Variants in MOB1B observed in about 807,000 individuals in gnomAD.
MOB1B encodes MOB1 Mps One Binder homolog B.
Under a neutral mutation model 24.4 loss-of-function variants are expected in MOB1B, and 19 were observed. The ratio of observed to expected loss-of-function variants is 0.78; its 90% CI spans 0.54 to 1.14. The LOEUF (loss-of-function observed/expected upper bound fraction) is 1.14. Among genes scored for constraint, MOB1B ranks in the 50% most tolerant of loss-of-function variants. The pLI is 0.00. For missense variants in MOB1B, 243 were observed against 259.6 expected, an observed-to-expected ratio of 0.94 and a Z score of 0.44; for synonymous variants, 76 against 82.1, an observed-to-expected ratio of 0.93 and a Z score of 0.40.
rs1302486325 is a variant in MOB1B, at chr4:70,979,306, G to T, written c.573+15G>T. The T allele has an allele frequency of 6.2e-7, 1 of 1,603,922 alleles. No individual in the cohort carries two copies. The highest frequency in any genetic ancestry group is 8.5e-7 in the Non-Finnish European group (1 of 1,173,470). ...TTTTTGTCCAGGTAAGTTGGATTAG[G>T]AGGCCTTTGGTGCTCAGGGTAAGCA... On this transcript the variant is annotated intron_variant, in intron 5 of 5. Transcript: ENST00000309395.
chr4:70,906,275 G>A (rs1335509510), intron 1 of MOB1B, among the ~76,000 whole-genome samples: 1 of 152,118 alleles, frequency 6.6e-6, no homozygotes, highest in Non-Finnish European at 1.5e-5. Flanking sequence ...TTACATGGGA[G>A]ACTGAGTAGG....
chr4:70,927,350 C>G (rs1291672277), intron 1 of MOB1B, among the ~76,000 whole-genome samples: 1 of 151,976 alleles, frequency 6.6e-6, no homozygotes, highest in Admixed American at 6.6e-5. Context: ...ACCAGCCTGG[C>G]CAACATGATG....
At chr4:70,930,716 A>G (rs938093510) in intron 1 of MOB1B, among the ~76,000 whole-genome samples, 55 of 152,220 alleles carry the variant, frequency 3.6e-4, no homozygotes, top group African/African-American at 1.3e-3. Context: ...CTGTGCTTGC[A>G]TTTCACTTAT....
At chr4:70,969,787 A>G (rs907979237) in intron 2 of MOB1B, 144 bp from the exon 3 acceptor site, 7 of 463,492 alleles carry the variant, frequency 1.5e-5, no homozygotes, top group Non-Finnish European at 2.7e-5. Flanking sequence ...CCTCATTTCA[A>G]TGTATTGATA....
At chr4:70,949,722 TA>T (rs1424297996) in intron 1 of MOB1B, among the ~76,000 whole-genome samples, 28 of 152,140 alleles carry the variant, frequency 1.8e-4, no homozygotes, top group Middle Eastern at 3.4e-3. Flanking sequence ...ACTTCCTCTC[TA>T]TAAAAAAATA....
At position 70,969,912 on chromosome 4, in the gene MOB1B, AC is replaced by A; in HGVS notation, c.182-18del. The stretch of plus-strand genomic sequence containing the variant: ...ATTTAGCCATTCTGTTTTACTTACA[AC>A]TGATACTTGCTTTACAGCTGTGGAT... On this transcript the variant is annotated intron_variant, in intron 2 of 5. Coordinates refer to ENST00000309395, the MANE Select transcript of MOB1B (RefSeq NM_173468.4). 7.0e-7 allele frequency: 1 copy of A among 1,436,908 alleles called. No homozygotes were observed. The highest frequency in any genetic ancestry group is 9.7e-7 in the Non-Finnish European group (1 of 1,028,654). 89.0% of individuals were successfully genotyped at this position (1,436,908 alleles called of 1,614,324 possible).
Position 70,985,678 on chromosome 4 carries a change from C to T in MOB1B, c.*3621C>T, listed in dbSNP as rs1412721798. 6.6e-6 allele frequency: 1 copy of T among 152,134 alleles called. No individual in the cohort carries two copies. Among genetic ancestry groups the T allele is most frequent in the African/African-American group, 2.4e-5 (1 of 41,402 alleles). 9.4% of individuals were successfully genotyped at this position (152,134 alleles called of 1,614,324 possible). A position where few individuals can be genotyped will look rare whatever the true frequency, so the allele number is the denominator to read the frequency against. On this transcript the variant is annotated 3_prime_UTR_variant, in exon 6 of 6. Coordinates refer to ENST00000309395, the MANE Select transcript of MOB1B (RefSeq NM_173468.4). ...AGCTGGGATTACAGGCAGCACCACA[C>T]CTGGCTAATTTTCATATTTTTAGTA...
rs918618371 is a variant in MOB1B, at chr4:70,976,625, T to G, written c.409+1339T>G. 3.1e-6 allele frequency: 3 copies of G among 982,936 alleles called. No individual in the cohort carries two copies. In the African/African-American group the frequency reaches 5.3e-5, roughly 17 times the overall value. 60.9% of individuals were successfully genotyped at this position (982,936 alleles called of 1,614,324 possible). On this transcript the variant is annotated intron_variant, in intron 4 of 5. Coordinates refer to ENST00000309395, the MANE Select transcript of MOB1B (RefSeq NM_173468.4). The stretch of plus-strand genomic sequence containing the variant: ...TAGAACTTTTTGACATTTTACGATT[T>G]TTTTTGAAAAAAAAATGTGACAACA...
At chr4:70,979,497 A>G (rs1739119620) in intron 5 of MOB1B, among the ~76,000 whole-genome samples, 1 of 152,156 alleles carries the variant, frequency 6.6e-6, no homozygotes, top group African/African-American at 2.4e-5. Context: ...CAAGTCTAAA[A>G]TGGATTTGAA....
At chr4:70,907,508 T>G (rs1735796018) in intron 1 of MOB1B, among the ~76,000 whole-genome samples, 1 of 152,138 alleles carries the variant, frequency 6.6e-6, no homozygotes, top group African/African-American at 2.4e-5. Flanking sequence ...TTAAAACAAG[T>G]ACATTTAATT....
intron 1 of MOB1B, among the ~76,000 whole-genome samples, chr4:70,950,366 G>C (rs901647407): frequency 4.6e-5 from 7 of 150,592 alleles, no homozygotes; most frequent in African/African-American, 1.5e-4. Context: ...AACCCAGGAG[G>C]CGGATGAGCC....
chr4:70,962,265 G>C (rs1253845942), intron 2 of MOB1B, among the ~76,000 whole-genome samples: 1 of 152,112 alleles, frequency 6.6e-6, no homozygotes, highest in Non-Finnish European at 1.5e-5. Flanking sequence ...CTCTCCCCAG[G>C]CTTCACGAAT....
In MOB1B at chr4:70,916,872, C is replaced by T. The variant is rs186948802; in HGVS notation, c.14+14322C>T. On this transcript the variant is annotated intron_variant, in intron 1 of 5. Transcript: ENST00000309395. ...GCATGAGCCACTGCGCCTGGCCTAC[C>T]ACTGAATTTCTATAATCTTCATTGG... is the stretch of plus-strand genomic sequence containing the variant. Among the ~76,000 whole-genome samples, 3 of 152,280 alleles carry T rather than the reference C, an allele frequency of 2.0e-5. No individual in the cohort carries two copies. The East Asian group carries it at 5.8e-4, about 29-fold the overall frequency.
At chr4:70,908,279 C>T (rs920755095) in intron 1 of MOB1B, among the ~76,000 whole-genome samples, 1 of 149,470 alleles carries the variant, frequency 6.7e-6, no homozygotes, top group Non-Finnish European at 1.5e-5. Context: ...CCGCCTGCCT[C>T]GGCCTCCCAA....
At chr4:70,977,916 C>CG (rs1739064949) in intron 4 of MOB1B, among the ~76,000 whole-genome samples, 1 of 152,212 alleles carries the variant, frequency 6.6e-6, no homozygotes, top group South Asian at 2.1e-4. Context: ...TCTTGAACTC[C>CG]TGGCTCAAGT....
Position 70,933,596 on chromosome 4 carries a change from G to GGCT in MOB1B, c.15-25276_15-25274dup, listed in dbSNP as rs1736968821. On this transcript the variant is annotated intron_variant, in intron 1 of 5. Transcript: ENST00000309395. ...AGACAGAGTCTTGCTCTGTCAACCA[G>GGCT]GCTGGAGTGCAATGGTGTGATCTCG... is the stretch of plus-strand genomic sequence containing the variant. Among the ~76,000 whole-genome samples the GGCT allele has an allele frequency of 2.4e-5, 3 of 127,244 alleles. No homozygotes were observed. The Admixed American group carries it at 3.0e-4, about 13-fold the overall frequency. 83.5% of individuals were successfully genotyped at this position (127,244 alleles called of 152,430 possible). A position where few individuals can be genotyped will look rare whatever the true frequency, so the allele number is the denominator to read the frequency against.
rs192365281 is a variant in MOB1B at position 70,921,707 on chromosome 4, C to T, written c.14+19157C>T. Among the ~76,000 whole-genome samples the T allele has an allele frequency of 6.9e-3, 1,053 of 152,146 alleles. 11 individuals carry two copies. Among genetic ancestry groups the T allele is most frequent in the South Asian group, 0.015 (70 of 4,816 alleles). ...TATTTTTAGTAGAGATGGGGTTTCA[C>T]CGTGTTGGCCAGGTTGATCTCGAAC... On this transcript the variant is annotated intron_variant, in intron 1 of 5. Coordinates refer to ENST00000309395, the MANE Select transcript of MOB1B (RefSeq NM_173468.4).
chr4:70,924,556 A>T (rs567498290), intron 1 of MOB1B, among the ~76,000 whole-genome samples: 2 of 152,132 alleles, frequency 1.3e-5, no homozygotes, highest in Non-Finnish European at 2.9e-5. Context: ...ATAGGTATAC[A>T]TGTGCCGTGT....
intron 2 of MOB1B, 38 bp from the exon 3 acceptor site, chr4:70,969,893 C>A (rs772753259): frequency 2.7e-6 from 3 of 1,120,198 alleles, no homozygotes; most frequent in South Asian, 1.4e-5. Context: ...TTAAATTTAG[C>A]CATTCTGTTT....
Sources: allele counts gnomAD v4.1 joint callset (sites outside exome capture counted in the v4.1 genomes callset), GRCh38; gene constraint gnomAD v4.1.1; transcripts MANE v1.5; gene names NCBI Gene and HGNC (gene_info 2026-07-23, HGNC 2026-07-21).